The following ERMP1 variants were observed in gnomAD, a reference collection of about 807,000 sequenced individuals.
The protein encoded by ERMP1 is endoplasmic reticulum metallopeptidase 1, also known as Felix-ina.
ERMP1 carries 86 observed loss-of-function variants against 92.0 expected under a neutral mutation model. The observed-to-expected ratio is 0.93, with a 90% CI of 0.79 to 1.12. The LOEUF is 1.12. ERMP1 is among the 50% of genes most tolerant of loss of function. ERMP1 has a pLI of 0.00. For synonymous variants in ERMP1, 530 were observed against 412.8 expected (o/e 1.28, Z -3.44); for missense variants, 1,342 against 1,116.3 (o/e 1.20, Z -2.88).
rs2181520 is a variant in ERMP1, at chr9:5,790,310, A to T, written c.2387-2717T>A. Among the ~76,000 whole-genome samples, 4 of 152,220 alleles carry T rather than the reference A, an allele frequency of 2.6e-5. No individual in the cohort carries two copies. In the East Asian group the frequency reaches 7.7e-4, roughly 29 times the overall value. On this transcript the variant is annotated intron_variant, in intron 13 of 14. Transcript: ENST00000339450. ...AATAATAGAGAATTAAAACAAATAT[A>T]AACATTCATAAATGCCAGAAAATAA...
At chr9:5,798,047 A>T in intron 12 of ERMP1, 115 bp from the exon 13 acceptor site, 1 of 716,002 alleles carries the variant, frequency 1.4e-6, no homozygotes, top group Middle Eastern at 2.8e-4. Flanking sequence ...ATAAACTGAC[A>T]GACATGATAA....
chr9:5,836,171 T>C (rs1030885415), upstream of ERMP1, among the ~76,000 whole-genome samples: 2 of 152,212 alleles, frequency 1.3e-5, no homozygotes, highest in South Asian at 2.1e-4. Context: ...CCAAGGTAAG[T>C]GGAAGGACAT....
chr9:5,836,478 A>C (rs1043228755), upstream of ERMP1, among the ~76,000 whole-genome samples: 1 of 152,214 alleles, frequency 6.6e-6, no homozygotes, highest in Non-Finnish European at 1.5e-5. Flanking sequence ...GCAAGTCAAA[A>C]CCAAGTGCAA....
chr9:5,804,940 C>G (rs769182108), intron 10 of ERMP1, 87 bp downstream of exon 10: 1 of 995,568 alleles, frequency 1.0e-6, no homozygotes, highest in South Asian at 1.6e-5. Flanking sequence ...ATAAAGTACA[C>G]GTAACACTAT....
At chr9:5,836,777 C>T (rs1363388931), upstream of ERMP1, among the ~76,000 whole-genome samples, 1 of 152,194 alleles carries the variant, frequency 6.6e-6, no homozygotes, top group Non-Finnish European at 1.5e-5. Flanking sequence ...TCACCTCCAA[C>T]AAGCCAGGAA....
At chr9:5,797,711 C>T in intron 13 of ERMP1, 106 bp downstream of exon 13, 1 of 713,078 alleles carries the variant, frequency 1.4e-6, no homozygotes. Flanking sequence ...ACAGGCTCTT[C>T]CTAAGTTGCT....
Position 5,813,042 on chromosome 9 carries a change from T to C in ERMP1, c.875-7A>G. On this transcript the variant is annotated splice_polypyrimidine_tract_variant and splice_region_variant and intron_variant, in intron 4 of 14. Transcript: ENST00000339450. ...AACCAAGGATTTTCAGGACCTAAAA[T>C]GAAAGATGACAACACAATAGAAGGT... 6.2e-7 allele frequency: 1 copy of C among 1,613,480 alleles called. No individual in the cohort carries two copies. The highest frequency in any genetic ancestry group is 1.3e-5 in the African/African-American group (1 of 74,982).
chr9:5,845,945 G>T (rs1586837316), intron 6 of ERMP1, among the ~76,000 whole-genome samples: 1 of 152,192 alleles, frequency 6.6e-6, no homozygotes, highest in South Asian at 2.1e-4. Context: ...GGGCAGAGAA[G>T]AAGCCACTTT....
chr9:5,811,047 T>C (rs1202764155), intron 7 of ERMP1, 64 bp downstream of exon 7: 3 of 1,161,442 alleles, frequency 2.6e-6, no homozygotes, highest in Non-Finnish European at 3.8e-6. Flanking sequence ...ACAAACTGAC[T>C]GAAAAACTTC....
In ERMP1 at chr9:5,832,950, C is replaced by T; in HGVS notation, c.78G>A (p.Ala26=). The T allele has an allele frequency of 1.3e-6, 2 of 1,561,530 alleles. No homozygotes were observed. The highest frequency in any genetic ancestry group is 8.6e-7 in the Non-Finnish European group (1 of 1,165,098). Residue 26 remains alanine, a synonymous_variant, in exon 1 of 15, where the codon GCG becomes GCA. Transcript: ENST00000339450. ...CTCGGGCCTCCCTCTCCGGCGGTGG[C>T]GCGGCCGCCGCTCCCTCTCGACGCT... ...GVERREGAAA[A]PPPEREARAQ...
At chr9:5,825,502 G>A (rs1264539111) in intron 2 of ERMP1, among the ~76,000 whole-genome samples, 1 of 152,186 alleles carries the variant, frequency 6.6e-6, no homozygotes, top group Non-Finnish European at 1.5e-5. Context: ...AACCTGAGGG[G>A]ACCTAAAGTC....
chr9:5,833,864 C>T (rs1386807754), upstream of ERMP1, among the ~76,000 whole-genome samples: 1 of 152,260 alleles, frequency 6.6e-6, no homozygotes, highest in South Asian at 2.1e-4. Flanking sequence ...CTCTCTGGGG[C>T]GGTTAAGCAG....
At chr9:5,813,401 A>C (rs1172762976) in intron 4 of ERMP1, among the ~76,000 whole-genome samples, 1 of 152,166 alleles carries the variant, frequency 6.6e-6, no homozygotes, top group African/African-American at 2.4e-5. Flanking sequence ...TACTTTGTAC[A>C]TTTGTTTTCA....
intron 2 of ERMP1, among the ~76,000 whole-genome samples, chr9:5,829,413 T>C (rs1829854819): frequency 6.6e-6 from 1 of 152,212 alleles, no homozygotes; most frequent in Non-Finnish European, 1.5e-5. Flanking sequence ...TTTACTTACA[T>C]TTTGTATAAC....
At chr9:5,863,211 A>G (rs1375662481) in intron 5 of ERMP1, among the ~76,000 whole-genome samples, 1 of 152,216 alleles carries the variant, frequency 6.6e-6, no homozygotes, top group Non-Finnish European at 1.5e-5. Context: ...TACATTTCCA[A>G]TGATGGGCAG....
chr9:5,827,445 C>T (rs1455248275), intron 2 of ERMP1, among the ~76,000 whole-genome samples: 3 of 152,248 alleles, frequency 2.0e-5, no homozygotes, highest in African/African-American at 7.2e-5. Flanking sequence ...CTACCCAGGA[C>T]TGCAGGTTGG....
chr9:5,855,468 C>A (rs892390903), intron 6 of ERMP1, among the ~76,000 whole-genome samples: 2 of 152,244 alleles, frequency 1.3e-5, no homozygotes, highest in African/African-American at 4.8e-5. Context: ...AAGACCACCA[C>A]CATCACTTGT....
chr9:5,820,645 C>G (rs893271787), intron 4 of ERMP1, among the ~76,000 whole-genome samples: 1 of 152,178 alleles, frequency 6.6e-6, no homozygotes, highest in Admixed American at 6.5e-5. Flanking sequence ...ATGAATGTCG[C>G]TCTCAGAAGT....
chr9:5,854,356 G>A (rs1830346020), intron 6 of ERMP1, among the ~76,000 whole-genome samples: 1 of 152,156 alleles, frequency 6.6e-6, no homozygotes, highest in African/African-American at 2.4e-5. Context: ...GGCATAGCTA[G>A]TGCAACCTTT....
Sources: gnomAD v4.1 joint callset for allele counts (sites outside exome capture counted in the v4.1 genomes callset) on GRCh38, gnomAD v4.1.1 for gene constraint, MANE v1.5 for transcripts, NCBI Gene and HGNC (gene_info 2026-07-23, HGNC 2026-07-21) for gene names.